PARD3B: variants seen among roughly 807,000 people sequenced by gnomAD.
PARD3B encodes partitioning defective 3 homolog B.
A neutral mutation model predicts 130.2 loss-of-function variants in PARD3B; 103 were observed. That is an observed-to-expected ratio of 0.79 (90% CI 0.67 to 0.93). PARD3B has a LOEUF of 0.93. PARD3B is among the 40% of genes least tolerant of loss of function. The pLI is 0.00. For synonymous variants in PARD3B, 583 were observed against 553.2 expected, an observed-to-expected ratio of 1.05 and a Z score of -0.76; for missense variants, 1,609 against 1,499.2, an observed-to-expected ratio of 1.07 and a Z score of -1.21.
At chr2:205,199,619 G>A (rs1236445740) in intron 15 of PARD3B, among the ~76,000 whole-genome samples, 3 of 152,080 alleles carry the variant, frequency 2.0e-5, no homozygotes, top group Non-Finnish European at 4.4e-5. Flanking sequence ...TATTTTTAAA[G>A]CATGAAAAAG....
intron 20 of PARD3B, among the ~76,000 whole-genome samples, chr2:205,472,447 G>A (rs1416650292): frequency 1.3e-5 from 2 of 151,870 alleles, no homozygotes; most frequent in African/African-American, 4.8e-5. Flanking sequence ...GTACATAGGG[G>A]CCATCATACT....
intron 1 of PARD3B, among the ~76,000 whole-genome samples, chr2:204,581,083 C>G (rs776239869): frequency 6.6e-6 from 1 of 152,150 alleles, no homozygotes; most frequent in Non-Finnish European, 1.5e-5. Flanking sequence ...ATGTATCACA[C>G]TACGTTTTTC....
chr2:205,462,003 A>T (rs2048468934), intron 20 of PARD3B, among the ~76,000 whole-genome samples: 1 of 152,216 alleles, frequency 6.6e-6, no homozygotes, highest in Non-Finnish European at 1.5e-5. Context: ...TGTAAGCATG[A>T]CTTACCTTAT....
In PARD3B at chr2:205,550,966, T is replaced by C. The variant is rs950432375; in HGVS notation, c.3181-2358T>C. 9.4e-5 allele frequency among the ~76,000 whole-genome samples: 10 copies of C among 105,926 alleles called. No individual in the cohort carries two copies. The highest frequency in any genetic ancestry group is 2.6e-4 in the African/African-American group (8 of 30,840). 69.5% of individuals were successfully genotyped at this position (105,926 alleles called of 152,430 possible). ...GTATATATATATGTGTATATATATA[T>C]ATATATATATACACACACACACACA... On this transcript the variant is annotated intron_variant, in intron 21 of 22. Transcript: ENST00000406610. The surrounding 1 kb of genome is among the most constrained non-coding windows in gnomAD (Gnocchi z 4.5).
At chr2:205,347,486 A>G (rs2043836431) in intron 18 of PARD3B, among the ~76,000 whole-genome samples, 2 of 152,198 alleles carry the variant, frequency 1.3e-5, no homozygotes, top group African/African-American at 4.8e-5. Context: ...TTGGAAATAC[A>G]AATTCCAAAT....
At chr2:204,842,714 A>G (rs2044303039) in intron 2 of PARD3B, among the ~76,000 whole-genome samples, 1 of 152,170 alleles carries the variant, frequency 6.6e-6, no homozygotes, top group Admixed American at 6.5e-5. Context: ...GTGTTTTGTA[A>G]TGTTTAAACA....
At chr2:204,683,598 T>C (rs778136744) in intron 1 of PARD3B, among the ~76,000 whole-genome samples, 9 of 152,182 alleles carry the variant, frequency 5.9e-5, no homozygotes, top group Non-Finnish European at 1.2e-4. Context: ...TCACAGTTGG[T>C]ATGTACTGTG....
intron 4 of PARD3B, among the ~76,000 whole-genome samples, chr2:205,061,320 G>A (rs367799918): frequency 2.2e-4 from 33 of 152,224 alleles, no homozygotes; most frequent in African/African-American, 7.0e-4. Flanking sequence ...GGCTAGAGTG[G>A]TTAAGAACAT....
At chr2:204,778,227 C>G (rs946647503) in intron 2 of PARD3B, among the ~76,000 whole-genome samples, 2 of 150,882 alleles carry the variant, frequency 1.3e-5, no homozygotes, top group Non-Finnish European at 2.9e-5. Context: ...CAGAGTTTTG[C>G]AAAACATTTC....
chr2:205,076,134 G>A (rs1438859369), intron 4 of PARD3B, among the ~76,000 whole-genome samples: 1 of 152,120 alleles, frequency 6.6e-6, no homozygotes, highest in Non-Finnish European at 1.5e-5. Context: ...GCTTTGTAAA[G>A]TTCTGAAGTG....
intron 3 of PARD3B, among the ~76,000 whole-genome samples, chr2:205,023,339 A>G (rs1194734895): frequency 6.6e-6 from 1 of 152,032 alleles, no homozygotes; most frequent in Admixed American, 6.6e-5. Context: ...AATGCTGCTT[A>G]GACAGGTCCC....
chr2:204,602,993 C>A (rs1174291550), intron 1 of PARD3B, among the ~76,000 whole-genome samples: 1 of 151,996 alleles, frequency 6.6e-6, no homozygotes, highest in Non-Finnish European at 1.5e-5. Context: ...TTGAAATAAA[C>A]CCCTTGTTAC....
At chr2:205,025,864 G>A (rs1417575332) in intron 3 of PARD3B, among the ~76,000 whole-genome samples, 2 of 152,126 alleles carry the variant, frequency 1.3e-5, no homozygotes, top group Non-Finnish European at 2.9e-5. Context: ...TCAGCAACCT[G>A]TATTTCTGAT....
intron 1 of PARD3B, among the ~76,000 whole-genome samples, chr2:204,656,228 A>G (rs1285042331): frequency 1.3e-5 from 2 of 152,170 alleles, no homozygotes; most frequent in African/African-American, 2.4e-5. Context: ...CTGTAGATAC[A>G]TGGTGGGAAA....
intron 2 of PARD3B, among the ~76,000 whole-genome samples, chr2:204,833,844 T>C (rs2043925143): frequency 6.6e-6 from 1 of 152,116 alleles, no homozygotes; most frequent in Non-Finnish European, 1.5e-5. Context: ...TGTCTTACCA[T>C]TTGCTTGAAA....
intron 1 of PARD3B, among the ~76,000 whole-genome samples, chr2:204,670,319 AG>A (rs368004042): frequency 4.7e-4 from 71 of 152,294 alleles, no homozygotes; most frequent in African/African-American, 1.7e-3. Context: ...AAGCAGTGAT[AG>A]GTAGGATTTG....
intron 2 of PARD3B, among the ~76,000 whole-genome samples, chr2:204,728,865 A>T (rs1490559566): frequency 6.6e-6 from 1 of 152,178 alleles, no homozygotes; most frequent in African/African-American, 2.4e-5. Flanking sequence ...ACTTCTGAAG[A>T]TGCTCAGAGA....
chr2:204,942,971 C>T (rs1689028274), intron 2 of PARD3B, among the ~76,000 whole-genome samples: 1 of 152,046 alleles, frequency 6.6e-6, no homozygotes, highest in South Asian at 2.1e-4. Flanking sequence ...GTACAACAGA[C>T]CCCTATGACA....
At chr2:204,724,955 C>G (rs901237588) in intron 2 of PARD3B, among the ~76,000 whole-genome samples, 1 of 152,044 alleles carries the variant, frequency 6.6e-6, no homozygotes, top group East Asian at 1.9e-4. Context: ...TTGACTGGGC[C>G]GCTAGGCAGG....
Sources: gnomAD v4.1 joint callset for allele counts (sites outside exome capture counted in the v4.1 genomes callset) on GRCh38, gnomAD v4.1.1 for gene constraint, Gnocchi (gnomAD v3.1) non-coding constraint, MANE v1.5 for transcripts, NCBI Gene and HGNC (gene_info 2026-07-23, HGNC 2026-07-21) for gene names.